Variants in CHSY3 observed in about 807,000 individuals in gnomAD.
The protein encoded by CHSY3 is chondroitin sulfate synthase 3, also known as N-acetylgalactosaminyl-proteoglycan 3-beta-glucuronosyltransferase 3.
A neutral mutation model predicts 67.2 loss-of-function variants in CHSY3; 35 were observed. The observed-to-expected ratio is 0.52, with a 90% CI of 0.40 to 0.69. The LOEUF (loss-of-function observed/expected upper bound fraction) is 0.69, where lower values mean the gene tolerates loss of function less well. Ranked by LOEUF, CHSY3 falls within the 30% of genes least tolerant of loss-of-function variation. CHSY3 has a pLI of 0.00. For missense variants in CHSY3, 1,069 were observed against 1,138.5 expected, an observed-to-expected ratio of 0.94 and a Z score of 0.88; for synonymous variants, 474 against 434.7, an observed-to-expected ratio of 1.09 and a Z score of -1.12.
intron 2 of CHSY3, among the ~76,000 whole-genome samples, chr5:130,031,816 T>A (rs948850121): frequency 3.3e-5 from 5 of 152,132 alleles, no homozygotes; most frequent in Non-Finnish European, 7.4e-5. Context: ...AAATTGACAT[T>A]TGGGTAAATA....
chr5:129,968,840 T>C (rs1485707230), intron 2 of CHSY3, among the ~76,000 whole-genome samples: 2 of 151,802 alleles, frequency 1.3e-5, no homozygotes, highest in African/African-American at 4.8e-5. Flanking sequence ...TCTACCTGCA[T>C]CTGAAATATG....
At chr5:130,113,922 T>A (rs761612905) in intron 2 of CHSY3, among the ~76,000 whole-genome samples, 1 of 152,166 alleles carries the variant, frequency 6.6e-6, no homozygotes. Context: ...ATACTCCCCT[T>A]TTGTCATTGC....
chr5:130,051,446 C>T (rs937625809), intron 2 of CHSY3, among the ~76,000 whole-genome samples: 1 of 151,980 alleles, frequency 6.6e-6, no homozygotes, highest in African/African-American at 2.4e-5. Flanking sequence ...GTTTTTTAGA[C>T]ACAGTGGGCC....
intron 2 of CHSY3, among the ~76,000 whole-genome samples, chr5:130,015,285 G>T (rs1475556642): frequency 1.3e-5 from 2 of 152,108 alleles, no homozygotes; most frequent in African/African-American, 4.8e-5. Flanking sequence ...ACAGCCTGTG[G>T]AACTGTGAGT....
At chr5:129,994,892 T>C (rs1472549078) in intron 2 of CHSY3, among the ~76,000 whole-genome samples, 1 of 144,936 alleles carries the variant, frequency 6.9e-6, no homozygotes, top group Non-Finnish European at 1.5e-5. Context: ...CTCTGGGGAC[T>C]GTTGTGGGGT....
chr5:130,017,731 A>G (rs937580448), intron 2 of CHSY3, among the ~76,000 whole-genome samples: 1 of 152,142 alleles, frequency 6.6e-6, no homozygotes, highest in Non-Finnish European at 1.5e-5. Context: ...TAAATGTCCT[A>G]CTAACAATCT....
At chr5:129,971,555 G>C (rs1762640731) in intron 2 of CHSY3, among the ~76,000 whole-genome samples, 1 of 151,886 alleles carries the variant, frequency 6.6e-6, no homozygotes, top group South Asian at 2.1e-4. Flanking sequence ...CAGCAACTCT[G>C]TAAGTTAGTA....
chr5:130,185,796 C>T lies in CHSY3; in HGVS notation c.*5C>T. ...TACAATCGAACTCTCTCCTGACAGT[C>T]CAGGCAACACATTTTGCCTTTTTTA... On this transcript the variant is annotated 3_prime_UTR_variant, in exon 3 of 3. Transcript: ENST00000305031. 1.3e-6 allele frequency: 2 copies of T among 1,537,384 alleles called. No individual in the cohort carries two copies. The highest frequency in any genetic ancestry group is 2.1e-5 in the Admixed American group (1 of 48,102).
chr5:130,134,079 G>T (rs908928583), intron 2 of CHSY3, among the ~76,000 whole-genome samples: 7 of 152,104 alleles, frequency 4.6e-5, no homozygotes, highest in Non-Finnish European at 8.8e-5. Context: ...AGATATGTTT[G>T]CCTTGTTACT....
At chr5:130,029,168 G>T (rs2149658869) in intron 2 of CHSY3, among the ~76,000 whole-genome samples, 1 of 152,208 alleles carries the variant, frequency 6.6e-6, no homozygotes, top group Middle Eastern at 3.4e-3. Flanking sequence ...AGTGCTATTT[G>T]CCGAGGTCTG....
intron 2 of CHSY3, among the ~76,000 whole-genome samples, chr5:130,076,954 C>T (rs544982209): frequency 3.2e-5 from 3 of 93,040 alleles, no homozygotes; most frequent in Non-Finnish European, 6.6e-5. Flanking sequence ...TTGTGGGATG[C>T]GGGGAGGGGG....
intron 2 of CHSY3, among the ~76,000 whole-genome samples, chr5:130,086,336 G>A (rs577942297): frequency 9.1e-4 from 138 of 152,150 alleles, no homozygotes; most frequent in Non-Finnish European, 1.5e-3. Flanking sequence ...AGCTCTTCTT[G>A]TTGAATTGAT....
intron 2 of CHSY3, among the ~76,000 whole-genome samples, chr5:129,974,181 G>A (rs1762725928): frequency 6.6e-6 from 1 of 152,126 alleles, no homozygotes. Context: ...TGGAAGGGAT[G>A]CCTTTGAGCT....
chr5:130,159,339 A>G (rs1769463286), intron 2 of CHSY3, among the ~76,000 whole-genome samples: 1 of 150,204 alleles, frequency 6.7e-6, no homozygotes, highest in African/African-American at 2.5e-5. Context: ...TATTTTTTCT[A>G]TTTTTTGTAG....
At chr5:130,026,284 C>T (rs1580662462) in intron 2 of CHSY3, among the ~76,000 whole-genome samples, 1 of 152,178 alleles carries the variant, frequency 6.6e-6, no homozygotes, top group East Asian at 1.9e-4. Context: ...ACCAATCCAA[C>T]ATTTTGAAAA....
intron 2 of CHSY3, among the ~76,000 whole-genome samples, chr5:130,016,699 G>A (rs1252396867): frequency 6.6e-6 from 1 of 152,208 alleles, no homozygotes; most frequent in Non-Finnish European, 1.5e-5. Context: ...GTGAGCCACC[G>A]TGCCTGGCCA....
chr5:130,088,275 A>T (rs1226668994), intron 2 of CHSY3, among the ~76,000 whole-genome samples: 2 of 151,168 alleles, frequency 1.3e-5, no homozygotes, highest in African/African-American at 2.5e-5. Flanking sequence ...CTGGAAGAAA[A>T]CCTAGGCATT....
intron 2 of CHSY3, among the ~76,000 whole-genome samples, chr5:129,952,119 G>T (rs1762042042): frequency 6.6e-6 from 1 of 152,156 alleles, no homozygotes; most frequent in African/African-American, 2.4e-5. Context: ...AGGTTGAGAG[G>T]TTTTAAGGCA....
At chr5:130,004,680 G>A (rs536946549) in intron 2 of CHSY3, among the ~76,000 whole-genome samples, 4 of 152,130 alleles carry the variant, frequency 2.6e-5, no homozygotes, top group Admixed American at 1.3e-4. Context: ...ATTATTTGCA[G>A]GTTTCTAATA....
Sources: gnomAD v4.1 joint callset for allele counts (sites outside exome capture counted in the v4.1 genomes callset) on GRCh38, gnomAD v4.1.1 for gene constraint, MANE v1.5 for transcripts, NCBI Gene and HGNC (gene_info 2026-07-23, HGNC 2026-07-21) for gene names.